RNF11: variants seen among roughly 807,000 people sequenced by gnomAD.
RNF11 encodes ring finger protein 11.
A neutral mutation model predicts 15.8 loss-of-function variants in RNF11; 4 were observed. That is an observed-to-expected ratio of 0.25 (90% CI 0.12 to 0.58). RNF11 has a LOEUF of 0.58. Ranked by LOEUF, RNF11 falls within the 20% of genes least tolerant of loss-of-function variation. The pLI is 0.91. For synonymous variants in RNF11, 68 were observed against 72.3 expected (o/e 0.94, Z 0.30); for missense variants, 139 against 194.4 (o/e 0.71, Z 1.70).
At chr1:51,262,320 T>C (rs1271259407) in intron 1 of RNF11, among the ~76,000 whole-genome samples, 1 of 152,212 alleles carries the variant, frequency 6.6e-6, no homozygotes, top group Non-Finnish European at 1.5e-5. Flanking sequence ...ATGCAAAAAT[T>C]AACTCAGAAT....
Position 51,236,614 on chromosome 1 carries a change from A to T in RNF11, c.-143A>T. ...CTGGCATGAGCGGCCCCTCGGCGGC[A>T]CCGTGGGGCGGTGGAGTCGCCTCCG... On this transcript the variant is annotated 5_prime_UTR_variant, in exon 1 of 3. Transcript: ENST00000242719. 1 of 1,027,586 alleles carries T rather than the reference A, an allele frequency of 9.7e-7. No homozygotes were observed. Among genetic ancestry groups the T allele is most frequent in the Non-Finnish European group, 1.4e-6 (1 of 727,046 alleles). The allele number at this position is 1,027,586 out of a possible 1,614,324, so 63.7% of individuals were successfully genotyped here. A position where few individuals can be genotyped will look rare whatever the true frequency, so the allele number is the denominator to read the frequency against.
At chr1:51,252,805 T>TTGTGTGTGTGTGTGTGTGTGTGTGTGTG (rs145075866) in intron 1 of RNF11, among the ~76,000 whole-genome samples, 2 of 143,942 alleles carry the variant, frequency 1.4e-5, no homozygotes, top group African/African-American at 5.1e-5. Context: ...TTTGTCCAGT[T>TTGTGTGTGTGTGTGTGTGTGTGTGTGTG]TGTGTGTGTG....
chr1:51,265,680 T>C (rs531562092), intron 1 of RNF11, among the ~76,000 whole-genome samples: 1 of 152,288 alleles, frequency 6.6e-6, no homozygotes, highest in South Asian at 2.1e-4. Context: ...GGTAAGACTG[T>C]ATAAGACATT....
At chr1:51,252,596 C>T (rs906444144) in intron 1 of RNF11, among the ~76,000 whole-genome samples, 2 of 152,014 alleles carry the variant, frequency 1.3e-5, no homozygotes, top group South Asian at 2.1e-4. Flanking sequence ...GCCTGGGTAA[C>T]GGGAGTGAAA....
At chr1:51,248,122 A>G (rs1345674004) in intron 1 of RNF11, among the ~76,000 whole-genome samples, 4 of 118,676 alleles carry the variant, frequency 3.4e-5, no homozygotes, top group Admixed American at 2.0e-4. Context: ...TTTTTTTGAG[A>G]TGGAGCTTCG....
rs199930528 is a variant in RNF11, at chr1:51,236,828, T to C, written c.72T>C (p.Ala24=). The change falls in exon 1 of 3, where the codon GCT becomes GCC. Residue 24 remains alanine, a synonymous_variant. Transcript: ENST00000242719. ...SLLHESQSDR[A]SFGEGTEPDQ... Reference sequence around the variant, plus strand: ...TTCACGAGTCTCAGTCCGACCGGGCTAGCTTTGGCGAGGGGACGGAGCCGG... The same window carrying C: ...TTCACGAGTCTCAGTCCGACCGGGCCAGCTTTGGCGAGGGGACGGAGCCGG... The C allele has an allele frequency of 7.4e-6, 12 of 1,612,550 alleles. No individual in the cohort carries two copies. In the African/African-American group the frequency reaches 1.5e-4, roughly 20 times the overall value.
Position 51,236,848 on chromosome 1 carries a change from A to G in RNF11, c.92A>G (p.Glu31Gly), listed in dbSNP as rs780693580. The G allele has an allele frequency of 1.2e-6, 2 of 1,610,292 alleles. No individual in the cohort carries two copies. The highest frequency in any genetic ancestry group is 4.5e-5 in the East Asian group (2 of 44,510). ...SDRASFGEGT[E>G]PDQEPPPPYQ... ...CGGGCTAGCTTTGGCGAGGGGACGG[A>G]GCCGGATCAGGAGCCGCCGCCGCCA... The change falls in exon 1 of 3, where the codon GAG becomes GGG. Residue 31 changes from glutamate to glycine, a missense_variant. Transcript: ENST00000242719.
At position 51,271,894 on chromosome 1, in the gene RNF11, T is replaced by C. The variant is rs1646980748; in HGVS notation, c.*572T>C. On this transcript the variant is annotated 3_prime_UTR_variant, in exon 3 of 3. Coordinates refer to ENST00000242719, the MANE Select transcript of RNF11 (RefSeq NM_014372.5). ...GTGTATTATTATCGTTGGGGCTGGC[T>C]CTATGCTTGAAAACCAGTTTATTTA... 1 of 152,662 alleles carries C rather than the reference T, an allele frequency of 6.6e-6. No individual in the cohort carries two copies. Among genetic ancestry groups the C allele is most frequent in the Non-Finnish European group, 1.5e-5 (1 of 68,102 alleles). The allele number at this position is 152,662 out of a possible 1,614,324, so 9.5% of individuals were successfully genotyped here. A position where few individuals can be genotyped will look rare whatever the true frequency, so the allele number is the denominator to read the frequency against.
At chr1:51,265,499 C>T (rs1646950622) in intron 1 of RNF11, among the ~76,000 whole-genome samples, 1 of 152,228 alleles carries the variant, frequency 6.6e-6, no homozygotes, top group Non-Finnish European at 1.5e-5. Context: ...CCTTTGGATT[C>T]TCGCTCTTTC....
intron 1 of RNF11, among the ~76,000 whole-genome samples, chr1:51,237,442 GTATATA>G (rs66523963): frequency 1.9e-4 from 26 of 140,514 alleles, no homozygotes; most frequent in Admixed American, 1.3e-3. Context: ...ATATATATGT[GTATATA>G]TATATATATA....
intron 2 of RNF11, among the ~76,000 whole-genome samples, chr1:51,270,945 G>C (rs1022675304): frequency 6.6e-6 from 1 of 152,198 alleles, no homozygotes; most frequent in African/African-American, 2.4e-5. Flanking sequence ...CCTAAGTCCT[G>C]CAAATTCTCA....
intron 1 of RNF11, among the ~76,000 whole-genome samples, chr1:51,256,705 G>A (rs759661197): frequency 6.6e-5 from 10 of 152,098 alleles, no homozygotes; most frequent in East Asian, 1.9e-4. Flanking sequence ...ATGGAGTCTC[G>A]CTGTCACCCA....
Position 51,236,962 on chromosome 1 carries a change from T to TAGGG in RNF11, c.123+83_123+84insAGGG. The TAGGG allele has an allele frequency of 7.3e-6, 11 of 1,499,454 alleles. No individual in the cohort carries two copies. In the South Asian group the frequency reaches 1.3e-4, roughly 18 times the overall value. 92.9% of individuals were successfully genotyped at this position (1,499,454 alleles called of 1,614,324 possible). On this transcript the variant is annotated intron_variant, in intron 1 of 2. Coordinates refer to ENST00000242719, the MANE Select transcript of RNF11 (RefSeq NM_014372.5). ...GGGGCTTCGGGGCCGTCTCTGCCCC[T>TAGGG]GGCTTCGGCAAGGCCTGGCCTGGGC...
At chr1:51,261,384 G>A (rs1396866968) in intron 1 of RNF11, among the ~76,000 whole-genome samples, 1 of 152,192 alleles carries the variant, frequency 6.6e-6, no homozygotes, top group African/African-American at 2.4e-5. Context: ...CAATCCCAGA[G>A]TGAGCTCCTG....
chr1:51,236,639 G>C lies in RNF11; in HGVS notation c.-118G>C. The C allele has an allele frequency of 2.8e-6, 4 of 1,417,694 alleles. No homozygotes were observed. Among genetic ancestry groups the C allele is most frequent in the Non-Finnish European group, 3.9e-6 (4 of 1,031,714 alleles). 87.8% of individuals were successfully genotyped at this position (1,417,694 alleles called of 1,614,324 possible). A position where few individuals can be genotyped will look rare whatever the true frequency, so the allele number is the denominator to read the frequency against. ...ACCGTGGGGCGGTGGAGTCGCCTCC[G>C]CCTGATCCCCGGCCTGTCGCCCGAC... On this transcript the variant is annotated 5_prime_UTR_variant, in exon 1 of 3. Transcript: ENST00000242719.
At chr1:51,256,806 T>C (rs1480801310) in intron 1 of RNF11, among the ~76,000 whole-genome samples, 1 of 152,140 alleles carries the variant, frequency 6.6e-6, no homozygotes, top group Admixed American at 6.6e-5. Flanking sequence ...CCCGAGTAGC[T>C]TGGATTACAG....
intron 1 of RNF11, among the ~76,000 whole-genome samples, chr1:51,237,125 A>G (rs1376348486): frequency 1.3e-5 from 2 of 152,058 alleles, no homozygotes; most frequent in African/African-American, 2.4e-5. Context: ...GTATGTGATC[A>G]CATCCCCTTG....
chr1:51,264,793 T>A (rs1646947659), intron 1 of RNF11: 1 of 152,194 alleles, frequency 6.6e-6, no homozygotes, highest in South Asian at 2.1e-4. Flanking sequence ...TGAAATTGTA[T>A]CACATTCCCT....
chr1:51,241,845 C>T (rs1341343932), intron 1 of RNF11, among the ~76,000 whole-genome samples: 2 of 152,132 alleles, frequency 1.3e-5, no homozygotes, highest in Non-Finnish European at 2.9e-5. Context: ...GGTAGGCAGC[C>T]CAGCCCTGAA....
Sources: gnomAD v4.1 joint callset for allele counts (sites outside exome capture counted in the v4.1 genomes callset) on GRCh38, gnomAD v4.1.1 for gene constraint, MANE v1.5 for transcripts, NCBI Gene and HGNC (gene_info 2026-07-23, HGNC 2026-07-21) for gene names.